The following REXO1 variants were observed in gnomAD, a reference collection of about 807,000 sequenced individuals.
The protein encoded by REXO1 is RNA exonuclease 1 homolog, also known as REX1, RNA exonuclease 1 homolog.
REXO1 carries 42 observed loss-of-function variants against 102.6 expected under a neutral mutation model. That is an observed-to-expected ratio of 0.41 (90% CI 0.32 to 0.53). The LOEUF is 0.53. Ranked by LOEUF, REXO1 falls within the 20% of genes least tolerant of loss-of-function variation. The probability of loss-of-function intolerance (pLI) is 0.27; values close to 1 mark genes in which losing one functional copy is unlikely to be tolerated. For missense variants in REXO1, 1,819 were observed against 1,732.5 expected, an observed-to-expected ratio of 1.05 and a Z score of -0.89; for synonymous variants, 908 against 779.1, an observed-to-expected ratio of 1.17 and a Z score of -2.76.
At chr19:1,821,735 G>A (rs542747026) in intron 4 of REXO1, 53 bp from the exon 5 acceptor site, 9 of 1,535,168 alleles carry the variant, frequency 5.9e-6, no homozygotes, top group African/African-American at 4.1e-5. Context: ...CCATCACCAC[G>A]TGGCGGAGCA....
At chr19:1,821,888 T>A in intron 4 of REXO1, 1 of 592,886 alleles carries the variant, frequency 1.7e-6, no homozygotes, top group Non-Finnish European at 2.9e-6. Flanking sequence ...AGGACACAGG[T>A]CAGGCTGCGG....
In REXO1 at chr19:1,827,268, G is replaced by A. The variant is rs570687009; in HGVS notation, c.1521C>T (p.Asp507=). 1.3e-4 allele frequency: 206 copies of A among 1,560,462 alleles called. 2 individuals carry two copies. The highest frequency in any genetic ancestry group is 1.0e-3 in the South Asian group (88 of 86,224). Residue 507 remains aspartate (D), a synonymous_variant, in exon 2 of 16, where the codon GAC becomes GAT. Coordinates refer to ENST00000170168, the MANE Select transcript of REXO1 (RefSeq NM_020695.4). ...GGGCCCGCTTCTTCAGCTTGGGGGC[G>A]TCCTGGGAGGCGCCCTCGTCTAGTG... ...ARSLDEGASQ[D]APKLKKRALS... is the part of the protein sequence containing the mutation.
chr19:1,845,429 TGAG>T (rs1275105113), intron 1 of REXO1, among the ~76,000 whole-genome samples: 2 of 152,164 alleles, frequency 1.3e-5, no homozygotes, highest in African/African-American at 2.4e-5. Context: ...TTCAGGAGGC[TGAG>T]GAGAGAGGAT....
In REXO1 at chr19:1,819,121, G is replaced by A. The variant is rs777459123; in HGVS notation, c.2661C>T (p.Gly887=). 6.4e-7 allele frequency: 1 copy of A among 1,574,056 alleles called. No individual in the cohort carries two copies. Among genetic ancestry groups the A allele is most frequent in the Non-Finnish European group, 8.6e-7 (1 of 1,157,136 alleles). ...CCACCTCGTGGGACACAACCCTGCGGCCACTGGTTTCTGGAAGGAAGGGAG... is the reference window on the plus strand; with the variant it reads ...CCACCTCGTGGGACACAACCCTGCGACCACTGGTTTCTGGAAGGAAGGGAG... ...SAVPGLSKTS[G]RRVVSHEVVL... is the part of the protein sequence containing the mutation. Residue 887 remains glycine, a synonymous_variant, in exon 8 of 16, where the codon GGC becomes GGT. Transcript: ENST00000170168.
At chr19:1,829,196 G>C (rs1278678755) in intron 1 of REXO1, among the ~76,000 whole-genome samples, 1 of 152,248 alleles carries the variant, frequency 6.6e-6, no homozygotes, top group East Asian at 1.9e-4. Context: ...AGCAGGGCCG[G>C]GGGATGGGGA....
chr19:1,841,434 C>T (rs1038547409), intron 1 of REXO1, among the ~76,000 whole-genome samples: 5 of 152,152 alleles, frequency 3.3e-5, no homozygotes, highest in African/African-American at 1.2e-4. Context: ...AGGCCTGCTA[C>T]AGCACAGCCC....
At position 1,825,916 on chromosome 19, in the gene REXO1, TCTC is replaced by T. The variant is rs1349401712; in HGVS notation, c.1936_1938del (p.Glu646del). On this transcript the variant is annotated inframe_deletion, in exon 3 of 16. Coordinates refer to ENST00000170168, the MANE Select transcript of REXO1 (RefSeq NM_020695.4). ...AGAGTGGTCAGACCCGAAAGCCCCTTCTCCTCACTCTTCTCTTCCTTGGGGGGC... is the reference window on the plus strand; with the variant it reads ...AGAGTGGTCAGACCCGAAAGCCCCTTCTCACTCTTCTCTTCCTTGGGGGGC... 1 of 1,603,270 alleles carries T rather than the reference TCTC, an allele frequency of 6.2e-7. No homozygotes were observed. The highest frequency in any genetic ancestry group is 1.1e-5 in the South Asian group (1 of 90,684).
intron 1 of REXO1, among the ~76,000 whole-genome samples, chr19:1,843,326 G>T (rs1229302097): frequency 2.6e-5 from 4 of 151,994 alleles, no homozygotes; most frequent in Non-Finnish European, 5.9e-5. Flanking sequence ...CCCCCGCCCG[G>T]AGGGTCCCAG....
In REXO1 at chr19:1,827,049, TGGGGCGGGGGAGG is replaced by T; in HGVS notation, c.1727_1739del (p.Pro576HisfsTer73). 2.5e-5 allele frequency: 16 copies of T among 636,812 alleles called. No homozygotes were observed. Among genetic ancestry groups the T allele is most frequent in the African/African-American group, 2.7e-5 (1 of 36,448 alleles). The allele number at this position is 636,812 out of a possible 1,614,324, so 39.4% of individuals were successfully genotyped here. A position where few individuals can be genotyped will look rare whatever the true frequency, so the allele number is the denominator to read the frequency against. ...AGGAGGAGGAGGAGGAGGAGGAGGA[TGGGGCGGGGGAGG>T]GGGGCGGGGAGGCCTTGAGCCGCTT... On this transcript the variant is annotated frameshift_variant, in exon 2 of 16. Transcript: ENST00000170168. LOFTEE classifies it high-confidence loss of function.
rs2069776931 is a variant in REXO1 at position 1,827,647 on chromosome 19, G to GA, written c.1141_1142insT (p.Thr381IlefsTer72). On this transcript the variant is annotated frameshift_variant, in exon 2 of 16. Coordinates refer to ENST00000170168, the MANE Select transcript of REXO1 (RefSeq NM_020695.4). LOFTEE classifies it high-confidence loss of function. Reference sequence around the variant, plus strand: ...GCAGCTGGGGGCAGGTGGGGCCCCGGTTTTTTTCTTCTTGGGTTTTCCCTC... The same window carrying GA: ...GCAGCTGGGGGCAGGTGGGGCCCCGGATTTTTTTCTTCTTGGGTTTTCCCTC... The GA allele has an allele frequency of 6.4e-7, 1 of 1,569,994 alleles. No homozygotes were observed. The highest frequency in any genetic ancestry group is 1.4e-5 in the African/African-American group (1 of 72,348).
At chr19:1,816,201 C>T (rs1363052634) in intron 15 of REXO1, 24 bp downstream of exon 15, 4 of 1,572,436 alleles carry the variant, frequency 2.5e-6, no homozygotes, top group Non-Finnish European at 3.5e-6. Flanking sequence ...CAGGGACGGC[C>T]CCAGGGCAGG....
chr19:1,823,962 A>G, intron 3 of REXO1, 177 bp from the exon 4 acceptor site: 2 of 396,126 alleles, frequency 5.0e-6, no homozygotes, highest in Non-Finnish European at 8.9e-6. Context: ...GTGGTCCTCA[A>G]TGCCATGTGG....
chr19:1,847,087 C>A (rs998314078), intron 1 of REXO1, among the ~76,000 whole-genome samples: 6 of 152,196 alleles, frequency 3.9e-5, no homozygotes, highest in Non-Finnish European at 8.8e-5. Flanking sequence ...CGGCATCGTA[C>A]GCAGCTCTGA....
intron 1 of REXO1, among the ~76,000 whole-genome samples, chr19:1,846,874 T>C (rs577288385): frequency 1.3e-5 from 2 of 152,216 alleles, no homozygotes; most frequent in African/African-American, 2.4e-5. Context: ...GCCTGGACTA[T>C]AGAGTGAGAC....
At chr19:1,821,011 ACAC>A (rs929366848) in intron 5 of REXO1, among the ~76,000 whole-genome samples, 10 of 149,736 alleles carry the variant, frequency 6.7e-5, no homozygotes, top group Non-Finnish European at 1.3e-4. Flanking sequence ...AAAAAAAAAA[ACAC>A]CAACCAACCA....
At position 1,819,045 on chromosome 19, in the gene REXO1, T is replaced by A; in HGVS notation, c.2737A>T (p.Ser913Cys). 2 of 1,602,732 alleles carry A rather than the reference T, an allele frequency of 1.2e-6. No individual in the cohort carries two copies. The highest frequency in any genetic ancestry group is 1.7e-6 in the Non-Finnish European group (2 of 1,173,762). ...AKTSFSLSRP[S>C]SPRVEDLKGA... ...TTCAGGTCCTCCACCCGGGGGCTGC[T>A]TGGACGGCTGAGCGAGAAGCTGGTC... The change falls in exon 8 of 16, where the codon AGC becomes TGC. Residue 913 changes from serine to cysteine, a missense_variant. Physicochemically the swap from Ser to Cys is moderately radical, Grantham distance 112. Transcript: ENST00000170168.
At chr19:1,833,541 G>A (rs2069961061) in intron 1 of REXO1, among the ~76,000 whole-genome samples, 1 of 152,252 alleles carries the variant, frequency 6.6e-6, no homozygotes, top group Non-Finnish European at 1.5e-5. Context: ...TGTGCGGGGA[G>A]GGACAGCTGC....
In REXO1 at chr19:1,828,297, G is replaced by C. The variant is rs766047526; in HGVS notation, c.492C>G (p.Gly164=). 9.3e-6 allele frequency: 15 copies of C among 1,607,482 alleles called. No individual in the cohort carries two copies. The African/African-American group carries it at 1.7e-4, about 19-fold the overall frequency. The change falls in exon 2 of 16, where the codon GGC becomes GGG. Residue 164 remains glycine, a synonymous_variant. Transcript: ENST00000170168. ...GGGCGGCCAGTGGGGTGGGCTGGTA[G>C]CCGGCATCAGGGCTTAATAGGCCGT... The part of the protein sequence containing the change: ...GSHGLLSPDA[G]YQPTPLAAPA...
At chr19:1,832,239 G>C (rs988341832) in intron 1 of REXO1, among the ~76,000 whole-genome samples, 1 of 152,146 alleles carries the variant, frequency 6.6e-6, no homozygotes, top group African/African-American at 2.4e-5. Context: ...GACTCTCCCC[G>C]GAAGCCTTCG....
Sources: allele counts gnomAD v4.1 joint callset (sites outside exome capture counted in the v4.1 genomes callset), GRCh38; gene constraint gnomAD v4.1.1; transcripts MANE v1.5; gene names NCBI Gene and HGNC (gene_info 2026-07-23, HGNC 2026-07-21).